Variants in RAB9A observed in about 807,000 individuals in gnomAD.
RAB9A encodes the protein RAB9A, member RAS oncogene family, also known as ras-related protein Rab-9A.
A neutral mutation model predicts 10.3 loss-of-function variants in RAB9A; 1 was observed. That is an observed-to-expected ratio of 0.10 (90% CI 0.03 to 0.46). The LOEUF (loss-of-function observed/expected upper bound fraction) is 0.46, where lower values mean the gene tolerates loss of function less well. Among genes scored for constraint, RAB9A ranks in the 20% least tolerant of loss-of-function variants. The pLI, the probability that RAB9A is intolerant of heterozygous loss-of-function variation, is 0.96. For missense variants in RAB9A, 92 were observed against 150.3 expected (o/e 0.61, Z 2.03); for synonymous variants, 39 against 55.2 (o/e 0.71, Z 1.30).
At chrX:13,695,094 C>G (rs1471657393) in intron 1 of RAB9A, among the ~76,000 whole-genome samples, 3 of 112,227 alleles carry the variant, frequency 2.7e-5, no homozygotes, top group Non-Finnish European at 5.6e-5. Flanking sequence ...CCGGACCCGG[C>G]CTGTCTGGAG....
rs1468244983 is a variant in RAB9A, at chrX:13,709,712, A to G, written c.*360A>G. ...TTTTTTCCTGGGAAAATGGAGAACT[A>G]CTTTTTATATGTGTATGTTTTTATG... On this transcript the variant is annotated 3_prime_UTR_variant, in exon 3 of 3. Coordinates refer to ENST00000464506, the MANE Select transcript of RAB9A (RefSeq NM_004251.5). 2 of 132,716 alleles carry G rather than the reference A, an allele frequency of 1.5e-5. No individual in the cohort carries two copies. Among genetic ancestry groups the G allele is most frequent in the Admixed American group, 1.8e-4 (2 of 11,195 alleles). 10.9% of individuals were successfully genotyped at this position (132,716 alleles called of 1,213,427 possible).
rs947834483 is a variant in RAB9A, at chrX:13,710,428, ATT to A, written c.*1081_*1082del. ...CATTTAGTGATTTGCTCTCAAGGAG[ATT>A]TTTTGTTAGAAAAAGACTTGTTGCA... On this transcript the variant is annotated 3_prime_UTR_variant, in exon 3 of 3. Transcript: ENST00000464506. 2.4e-5 allele frequency: 3 copies of A among 123,214 alleles called. No homozygotes were observed. The highest frequency in any genetic ancestry group is 9.8e-5 in the African/African-American group (3 of 30,742). 10.2% of individuals were successfully genotyped at this position (123,214 alleles called of 1,213,427 possible).
At chrX:13,697,926 C>T (rs1460161615) in intron 1 of RAB9A, among the ~76,000 whole-genome samples, 1 of 111,712 alleles carries the variant, frequency 9.0e-6, no homozygotes, top group Non-Finnish European at 1.9e-5. Flanking sequence ...ACACTCTAGG[C>T]CTGCACTGTC....
chrX:13,708,626 A>G (rs1028023525), intron 2 of RAB9A, 95 bp from the exon 3 acceptor site: 2 of 812,051 alleles, frequency 2.5e-6, no homozygotes, highest in East Asian at 3.3e-5. Flanking sequence ...CCCTGGGGCC[A>G]TATGTTTTAT....
rs915930578 is a variant in RAB9A, at chrX:13,710,038, C to A, written c.*686C>A. 1.6e-5 allele frequency: 2 copies of A among 123,437 alleles called. No homozygotes were observed. The highest frequency in any genetic ancestry group is 1.9e-4 in the Admixed American group (2 of 10,562). The allele number at this position is 123,437 out of a possible 1,213,427, so 10.2% of individuals were successfully genotyped here. On this transcript the variant is annotated 3_prime_UTR_variant, in exon 3 of 3. Coordinates refer to ENST00000464506, the MANE Select transcript of RAB9A (RefSeq NM_004251.5). ...TTCATACAGTCTGTAATACATCCAGCTAAATTCAAGTTGTCTATGAATGGA... is the reference window on the plus strand; with the variant it reads ...TTCATACAGTCTGTAATACATCCAGATAAATTCAAGTTGTCTATGAATGGA...
chrX:13,707,469 A>G (rs1302652326), intron 2 of RAB9A, among the ~76,000 whole-genome samples: 1 of 111,447 alleles, frequency 9.0e-6, no homozygotes, highest in African/African-American at 3.3e-5. Context: ...CATGTTTTAC[A>G]TTTTTCACAA....
In RAB9A at chrX:13,709,011, G is replaced by A. The variant is rs769298602; in HGVS notation, c.265G>A (p.Val89Ile). The A allele has an allele frequency of 8.3e-7, 1 of 1,211,623 alleles. No individual in the cohort carries two copies. The highest frequency in any genetic ancestry group is 1.8e-5 in the South Asian group (1 of 56,937). ...TGACTGCTGCCTGCTTACTTTTAGT[G>A]TCGATGATTCACAAAGCTTCCAGAA... ...GSDCCLLTFSVDDSQSFQNLS... is the reference protein window; with the variant it reads ...GSDCCLLTFSIDDSQSFQNLS... Residue 89 changes from valine to isoleucine, a missense_variant, in exon 3 of 3, where the codon GTC becomes ATC. Physicochemically the swap from Val to Ile is conservative, Grantham distance 29. Transcript: ENST00000464506.
intron 1 of RAB9A, among the ~76,000 whole-genome samples, chrX:13,693,681 G>A (rs1013873423): frequency 8.9e-6 from 1 of 112,170 alleles, no homozygotes; most frequent in Non-Finnish European, 1.9e-5. Context: ...TTCAGGCGTT[G>A]TTATTATGTT....
intron 2 of RAB9A, among the ~76,000 whole-genome samples, chrX:13,706,399 T>C (rs981645527): frequency 3.6e-5 from 4 of 111,170 alleles, no homozygotes; most frequent in Non-Finnish European, 5.7e-5. Context: ...TATTAATTTG[T>C]TTTGTTTTTT....
At chrX:13,700,732 A>T (rs1028481156) in intron 1 of RAB9A, among the ~76,000 whole-genome samples, 5 of 111,441 alleles carry the variant, frequency 4.5e-5, no homozygotes, top group African/African-American at 1.6e-4. Context: ...CATATTTTTA[A>T]TTCTCAGGAG....
At chrX:13,689,490 C>G (rs1317708927) in intron 1 of RAB9A, among the ~76,000 whole-genome samples, 1 of 112,017 alleles carries the variant, frequency 8.9e-6, no homozygotes, top group Non-Finnish European at 1.9e-5. Context: ...GGTCCCCACA[C>G]CCTTGGGGAG....
intron 1 of RAB9A, 145 bp from the exon 2 acceptor site, chrX:13,703,669 C>A (rs1282756164): frequency 9.0e-6 from 1 of 111,651 alleles, no homozygotes; most frequent in African/African-American, 3.3e-5. Context: ...GGACTAGGAT[C>A]CTTCAGCTTC....
In RAB9A at chrX:13,697,536, T is replaced by A. The variant is rs772095832; in HGVS notation, c.-115-6278T>A. 3.6e-5 allele frequency among the ~76,000 whole-genome samples: 4 copies of A among 111,867 alleles called. No individual in the cohort carries two copies. The East Asian group carries it at 1.1e-3, about 31-fold the overall frequency. On this transcript the variant is annotated intron_variant, in intron 1 of 2. Transcript: ENST00000464506. ...AAAACTTAAGCAAAACAAAAAAAAA[T>A]TATTCTCACTTCTCAGGACTAGCAG...
At chrX:13,692,786 C>T (rs192386373) in intron 1 of RAB9A, among the ~76,000 whole-genome samples, 3 of 112,057 alleles carry the variant, frequency 2.7e-5, no homozygotes, top group Non-Finnish European at 5.6e-5. Flanking sequence ...ACGCAATCAA[C>T]ATGGCATCTT....
In RAB9A at chrX:13,693,519, A is replaced by C. The variant is rs1385473145; in HGVS notation, c.-116+4231A>C. Among the ~76,000 whole-genome samples the C allele has an allele frequency of 4.5e-5, 5 of 111,945 alleles. No homozygotes were observed. The Admixed American group carries it at 4.7e-4, about 11-fold the overall frequency. ...CCCAGGCCGTGTTGCCAGAGAGCCC[A>C]GGGGTGCCAGGGCTAGTTAGATAAC... On this transcript the variant is annotated intron_variant, in intron 1 of 2. Coordinates refer to ENST00000464506, the MANE Select transcript of RAB9A (RefSeq NM_004251.5).
At chrX:13,699,778 A>C (rs1051120323) in intron 1 of RAB9A, among the ~76,000 whole-genome samples, 1 of 112,163 alleles carries the variant, frequency 8.9e-6, no homozygotes, top group Non-Finnish European at 1.9e-5. Context: ...TAGTAGGGAT[A>C]TAATTGGGAC....
chrX:13,689,561 CG>C (rs1161614657), intron 1 of RAB9A, among the ~76,000 whole-genome samples: 6 of 112,014 alleles, frequency 5.4e-5, no homozygotes, highest in African/African-American at 1.9e-4. Flanking sequence ...CCCGGACACC[CG>C]TGCACATACA....
intron 1 of RAB9A, among the ~76,000 whole-genome samples, chrX:13,691,659 CAAAA>C (rs765886332): frequency 3.1e-4 from 5 of 15,931 alleles, no homozygotes; most frequent in Non-Finnish European, 6.2e-4. Context: ...GACTCCATCT[CAAAA>C]AAAAAAAAAA....
At chrX:13,691,612 A>G (rs1213618706) in intron 1 of RAB9A, among the ~76,000 whole-genome samples, 1 of 95,791 alleles carries the variant, frequency 1.0e-5, no homozygotes, top group Non-Finnish European at 2.0e-5. Flanking sequence ...GTGAGCCGAG[A>G]TCACGCCATT....
Sources: allele counts gnomAD v4.1 joint callset (sites outside exome capture counted in the v4.1 genomes callset), GRCh38; gene constraint gnomAD v4.1.1; transcripts MANE v1.5; gene names NCBI Gene and HGNC (gene_info 2026-07-23, HGNC 2026-07-21).